The following CDH13 variants were observed in gnomAD, a reference collection of about 807,000 sequenced individuals.
The protein encoded by CDH13 is cadherin-13.
CDH13 carries 24 observed loss-of-function variants against 63.8 expected under a neutral mutation model. The observed-to-expected ratio is 0.38, with a 90% CI of 0.27 to 0.53. The LOEUF is 0.53. Among genes scored for constraint, CDH13 ranks in the 20% least tolerant of loss-of-function variants. The pLI is 0.85. For synonymous variants in CDH13, 503 were observed against 355.3 expected (o/e 1.42, Z -4.67); for missense variants, 1,049 against 903.1 (o/e 1.16, Z -2.07).
chr16:82,909,202 T>A (rs1316629759), intron 2 of CDH13, among the ~76,000 whole-genome samples: 1 of 152,044 alleles, frequency 6.6e-6, no homozygotes, highest in African/African-American at 2.4e-5. Context: ...AATCCATGAT[T>A]GGTCAAATTC....
intron 1 of CDH13, among the ~76,000 whole-genome samples, chr16:82,827,794 T>C (rs2038325042): frequency 6.6e-6 from 1 of 152,004 alleles, no homozygotes; most frequent in African/African-American, 2.4e-5. Flanking sequence ...ACAATAATGG[T>C]AAAGGGAAAA....
chr16:83,773,736 C>T (rs754110194), intron 11 of CDH13, among the ~76,000 whole-genome samples: 25 of 152,148 alleles, frequency 1.6e-4, no homozygotes, highest in African/African-American at 6.0e-4. Flanking sequence ...CCTATCTATC[C>T]TTAGGAGGTA....
intron 6 of CDH13, among the ~76,000 whole-genome samples, chr16:83,379,707 C>G (rs779747525): frequency 1.3e-5 from 2 of 152,116 alleles, no homozygotes; most frequent in East Asian, 1.9e-4. Context: ...AGGAGACACA[C>G]AGTTGTTCAT....
At chr16:83,260,616 C>G (rs754251120) in intron 5 of CDH13, among the ~76,000 whole-genome samples, 6 of 152,168 alleles carry the variant, frequency 3.9e-5, no homozygotes, top group Non-Finnish European at 8.8e-5. Context: ...GATGCTGATA[C>G]TGCTGCTCCC....
At chr16:82,838,594 C>G (rs954083766) in intron 1 of CDH13, among the ~76,000 whole-genome samples, 7 of 152,186 alleles carry the variant, frequency 4.6e-5, no homozygotes, top group Non-Finnish European at 8.8e-5. Context: ...CAAATCTCAT[C>G]TTTCCTCAAT....
At chr16:83,794,627 A>G (rs993149762) in intron 13 of CDH13, among the ~76,000 whole-genome samples, 1 of 89,188 alleles carries the variant, frequency 1.1e-5, no homozygotes, top group Non-Finnish European at 2.6e-5. Flanking sequence ...TTAAGTCAAC[A>G]TATATATATA....
intron 1 of CDH13, among the ~76,000 whole-genome samples, chr16:82,857,150 T>G (rs773877531): frequency 6.6e-5 from 10 of 152,216 alleles, no homozygotes; most frequent in Non-Finnish European, 5.9e-5. Flanking sequence ...TGAACCTAGA[T>G]TCAGATGCTG....
chr16:82,703,136 A>G (rs2031188301), intron 1 of CDH13, among the ~76,000 whole-genome samples: 1 of 152,102 alleles, frequency 6.6e-6, no homozygotes, highest in Non-Finnish European at 1.5e-5. Flanking sequence ...ATATATTCAG[A>G]TATTTGTGTA....
chr16:83,187,569 G>A (rs370890502), intron 4 of CDH13, among the ~76,000 whole-genome samples: 6 of 152,170 alleles, frequency 3.9e-5, no homozygotes, highest in African/African-American at 1.4e-4. Context: ...CCAGGCAGGG[G>A]TGTTTTTTGA....
At chr16:82,905,339 A>C (rs921956943) in intron 2 of CDH13, among the ~76,000 whole-genome samples, 38 of 152,318 alleles carry the variant, frequency 2.5e-4, no homozygotes, top group African/African-American at 8.2e-4. Context: ...AACATATATG[A>C]ACTAATTATA....
At chr16:83,493,391 A>G (rs898124213) in intron 7 of CDH13, among the ~76,000 whole-genome samples, 3 of 152,230 alleles carry the variant, frequency 2.0e-5, no homozygotes, top group Admixed American at 2.0e-4. Flanking sequence ...AGTATTGAGC[A>G]CCACAAATGT....
Position 83,750,894 on chromosome 16 carries a change from T to C in CDH13, c.1681+2644T>C, listed in dbSNP as rs138293986. On this transcript the variant is annotated intron_variant, in intron 11 of 13. Transcript: ENST00000567109. ...CTTTGTTATGGCAACTCTAGCAAAG[T>C]AATGCAAGATTTAATGGAGTCATTA... 2.6e-3 allele frequency among the ~76,000 whole-genome samples: 401 copies of C among 151,978 alleles called. 1 individual carries two copies. Among genetic ancestry groups the C allele is most frequent in the African/African-American group, 9.4e-3 (390 of 41,430 alleles).
intron 5 of CDH13, among the ~76,000 whole-genome samples, chr16:83,319,048 C>T (rs767323238): frequency 6.6e-5 from 10 of 151,158 alleles, no homozygotes; most frequent in Admixed American, 4.0e-4. Context: ...TACATAGACA[C>T]GCAGTAAAAT....
chr16:83,451,162 G>T (rs575543939), intron 6 of CDH13, among the ~76,000 whole-genome samples: 1 of 152,142 alleles, frequency 6.6e-6, no homozygotes, highest in Non-Finnish European at 1.5e-5. Context: ...CTGTTCTCAC[G>T]CTGCTAATAA....
intron 2 of CDH13, among the ~76,000 whole-genome samples, chr16:82,959,043 C>T (rs2151336807): frequency 6.6e-6 from 1 of 152,346 alleles, no homozygotes; most frequent in South Asian, 2.1e-4. Flanking sequence ...AGGAGCAAGG[C>T]TTCCCCAGCA....
intron 6 of CDH13, among the ~76,000 whole-genome samples, chr16:83,427,182 G>T (rs1245198779): frequency 6.6e-6 from 1 of 151,836 alleles, no homozygotes; most frequent in Non-Finnish European, 1.5e-5. Context: ...CCAAAGTGCT[G>T]GGATTACAGG....
intron 1 of CDH13, among the ~76,000 whole-genome samples, chr16:82,706,974 T>C (rs1234296520): frequency 6.6e-6 from 1 of 152,200 alleles, no homozygotes; most frequent in Non-Finnish European, 1.5e-5. Flanking sequence ...CAGTTCTACA[T>C]TTAGGGAGTC....
At chr16:82,718,353 G>A (rs2032529829) in intron 1 of CDH13, among the ~76,000 whole-genome samples, 1 of 152,160 alleles carries the variant, frequency 6.6e-6, no homozygotes, top group Non-Finnish European at 1.5e-5. Context: ...TAGGGCACAG[G>A]TGAGTGATGA....
At chr16:83,760,311 G>C (rs143599375) in intron 11 of CDH13, among the ~76,000 whole-genome samples, 156 of 152,284 alleles carry the variant, frequency 1.0e-3, no homozygotes, top group African/African-American at 3.5e-3. Flanking sequence ...AACTAAAGCT[G>C]AACATACATA....
Sources: allele counts gnomAD v4.1 joint callset (sites outside exome capture counted in the v4.1 genomes callset), GRCh38; gene constraint gnomAD v4.1.1; transcripts MANE v1.5; gene names NCBI Gene and HGNC (gene_info 2026-07-23, HGNC 2026-07-21).